The following APOC2 variants were observed in gnomAD, a reference collection of about 807,000 sequenced individuals.
APOC2 encodes apolipoprotein C2.
A neutral mutation model predicts 10.2 loss-of-function variants in APOC2; 6 were observed. That is an observed-to-expected ratio of 0.59 (90% CI 0.32 to 1.16). The LOEUF (loss-of-function observed/expected upper bound fraction) is 1.16, where lower values mean the gene tolerates loss of function less well. APOC2 is among the 50% of genes most tolerant of loss of function. The pLI, the probability that APOC2 is intolerant of heterozygous loss-of-function variation, is 0.05. For missense variants in APOC2, 110 were observed against 117.6 expected (o/e 0.94, Z 0.30); for synonymous variants, 56 against 48.5 (o/e 1.15, Z -0.64).
Position 44,946,051 on chromosome 19 carries a change from G to C in APOC2, c.-38G>C, listed in dbSNP as rs1970314890. On this transcript the variant is annotated 5_prime_UTR_variant, in exon 1 of 4. Coordinates refer to ENST00000252490, the MANE Select transcript of APOC2 (RefSeq NM_000483.5). ...ATCCTCTCTGTGCCCGTCCGGAGCTGGTGAGGACAGCCTGCCAGAGTCTGG... is the reference window on the plus strand; with the variant it reads ...ATCCTCTCTGTGCCCGTCCGGAGCTCGTGAGGACAGCCTGCCAGAGTCTGG... 3 of 152,372 alleles carry C rather than the reference G, an allele frequency of 2.0e-5. No individual in the cohort carries two copies. Among genetic ancestry groups the C allele is most frequent in the Non-Finnish European group, 4.4e-5 (3 of 68,216 alleles). The allele number at this position is 152,372 out of a possible 1,614,324, so 9.4% of individuals were successfully genotyped here.
At chr19:44,948,670 C>T (rs201090455) in intron 2 of APOC2, 31 bp from the exon 3 acceptor site, 143 of 1,613,542 alleles carry the variant, frequency 8.9e-5, no homozygotes, top group South Asian at 5.5e-5. Context: ...TGCAGCCCCA[C>T]GGGCTCTCCT....
At chr19:44,948,628 TCTC>T (rs1172894559) in intron 2 of APOC2, 70 bp from the exon 3 acceptor site, 3 of 1,605,428 alleles carry the variant, frequency 1.9e-6, no homozygotes, top group Non-Finnish European at 2.6e-6. Context: ...GCCTCTGCCC[TCTC>T]CTCTTCTTCC....
At chr19:44,947,785 T>C (rs942940381) in intron 1 of APOC2, among the ~76,000 whole-genome samples, 1 of 149,846 alleles carries the variant, frequency 6.7e-6, no homozygotes, top group African/African-American at 2.5e-5. Flanking sequence ...AATACAAAAA[T>C]CAGGTGGGGC....
At chr19:44,946,541 G>T (rs957976555) in intron 1 of APOC2, among the ~76,000 whole-genome samples, 7 of 152,004 alleles carry the variant, frequency 4.6e-5, no homozygotes, top group African/African-American at 1.7e-4. Flanking sequence ...AAGAAAAAGG[G>T]ATAGGTACAA....
Position 44,948,734 on chromosome 19 carries a change from A to T in APOC2, c.89A>T (p.Glu30Val). 1 of 1,614,152 alleles carries T rather than the reference A, an allele frequency of 6.2e-7. No homozygotes were observed. ...VQGTQQPQQD[E>V]MPSPTFLTQV... is the part of the protein sequence containing the mutation. ...GGGACCCAACAGCCCCAGCAAGATG[A>T]GATGCCTAGCCCGACCTTCCTCACC... Residue 30 changes from glutamate (E) to valine (V), a missense_variant, in exon 3 of 4, where the codon GAG becomes GTG. Coordinates refer to ENST00000252490, the MANE Select transcript of APOC2 (RefSeq NM_000483.5).
Position 44,949,384 on chromosome 19 carries a change from A to G in APOC2, c.*135A>G. On this transcript the variant is annotated 3_prime_UTR_variant, in exon 4 of 4. Transcript: ENST00000252490. ...CTAGCCTGAATTCTTTTCAATAAAA[A>G]ATACAATTCAAGTTGCTTCTCATGG... 1.3e-6 allele frequency: 1 copy of G among 742,724 alleles called. No individual in the cohort carries two copies. Among genetic ancestry groups the G allele is most frequent in the Non-Finnish European group, 2.4e-6 (1 of 424,426 alleles). The allele number at this position is 742,724 out of a possible 1,614,324, so 46.0% of individuals were successfully genotyped here.
chr19:44,948,761 A>G lies in APOC2; in HGVS notation c.116A>G (p.Gln39Arg). Residue 39 changes from glutamine to arginine, a missense_variant, in exon 3 of 4, where the codon CAG becomes CGG. Gln to Arg is a conservative substitution (Grantham distance 43). Coordinates refer to ENST00000252490, the MANE Select transcript of APOC2 (RefSeq NM_000483.5). Reference protein sequence around the residue: ...DEMPSPTFLTQVKESLSSYWE... With the variant: ...DEMPSPTFLTRVKESLSSYWE... ...ATGCCTAGCCCGACCTTCCTCACCC[A>G]GGTGAAGGAATCTCTCTCCAGTTAC... 6.2e-7 allele frequency: 1 copy of G among 1,614,178 alleles called. No homozygotes were observed. The highest frequency in any genetic ancestry group is 1.1e-5 in the South Asian group (1 of 91,084).
rs759445478 is a variant in APOC2 at position 44,949,253 on chromosome 19, C to T, written c.*4C>T. The T allele has an allele frequency of 1.1e-5, 17 of 1,612,340 alleles. No individual in the cohort carries two copies. The highest frequency in any genetic ancestry group is 1.3e-5 in the Non-Finnish European group (15 of 1,179,080). On this transcript the variant is annotated 3_prime_UTR_variant, in exon 4 of 4. Transcript: ENST00000252490. ...TGTGCTGAAGGGAGAGGAGTAACAG[C>T]CAGACCCCCCATCAGTGGACAAGGG...
rs969677284 is a variant in APOC2 at position 44,948,561 on chromosome 19, C to G, written c.55+28C>G. The G allele has an allele frequency of 1.1e-5, 17 of 1,612,186 alleles. No individual in the cohort carries two copies. In the East Asian group the frequency reaches 2.5e-4, roughly 23 times the overall value. On this transcript the variant is annotated intron_variant, in intron 2 of 3. Coordinates refer to ENST00000252490, the MANE Select transcript of APOC2 (RefSeq NM_000483.5). ...GAGTGTGGGCTTCCGGGGAGGGAAG[C>G]CTTGGGGAGGGGAATGAGCTCCAAG...
rs1331380599 is a variant in APOC2, at chr19:44,948,804, A to C, written c.159A>C (p.Thr53=). Residue 53 remains threonine (T), a synonymous_variant, in exon 3 of 4, where the codon ACA becomes ACC. Coordinates refer to ENST00000252490, the MANE Select transcript of APOC2 (RefSeq NM_000483.5). ...CCAGTTACTGGGAGTCAGCAAAGAC[A>C]GCCGCCCAGAACCTGTACGAGAAGA... ...SLSSYWESAK[T]AAQNLYEKTY... The C allele has an allele frequency of 1.9e-6, 3 of 1,614,124 alleles. No homozygotes were observed. In the South Asian group the frequency reaches 3.3e-5, roughly 18 times the overall value.
rs909824341 is a variant in APOC2, at chr19:44,948,500, G to C, written c.22G>C (p.Ala8Pro). 6.2e-7 allele frequency: 1 copy of C among 1,613,960 alleles called. No homozygotes were observed. Among genetic ancestry groups the C allele is most frequent in the Non-Finnish European group, 8.5e-7 (1 of 1,180,006 alleles). Reference protein sequence around the residue: MGTRLLPALFLVLLVLGF... With the variant: MGTRLLPPLFLVLLVLGF... ...CACTATGGGCACACGACTCCTCCCA[G>C]CTCTGTTTCTTGTCCTCCTGGTATT... Residue 8 changes from alanine to proline, a missense_variant, in exon 2 of 4, where the codon GCT (alanine) becomes CCT (proline). Coordinates refer to ENST00000252490, the MANE Select transcript of APOC2 (RefSeq NM_000483.5).
Position 44,949,154 on chromosome 19 carries a change from C to T in APOC2, c.216-5C>T, listed in dbSNP as rs372783963. 2.2e-5 allele frequency: 35 copies of T among 1,613,388 alleles called. No homozygotes were observed. In the African/African-American group the frequency reaches 3.3e-4, roughly 15 times the overall value. ...TCCCTCTAACCATCTGTGCTTTCTC[C>T]CCAGGGACTTGTACAGCAAAAGCAC... On this transcript the variant is annotated splice_polypyrimidine_tract_variant and splice_region_variant and intron_variant, in intron 3 of 3. Transcript: ENST00000252490.
chr19:44,948,732 T>C lies in APOC2; in HGVS notation c.87T>C (p.Asp29=). 6.2e-7 allele frequency: 1 copy of C among 1,611,640 alleles called. No individual in the cohort carries two copies. The highest frequency in any genetic ancestry group is 1.1e-5 in the South Asian group (1 of 91,040). ...EVQGTQQPQQ[D]EMPSPTFLTQ... is the part of the protein sequence containing the mutation. ...AGGGGACCCAACAGCCCCAGCAAGA[T>C]GAGATGCCTAGCCCGACCTTCCTCA... Residue 29 remains aspartate (D), a synonymous_variant, in exon 3 of 4, where the codon GAT becomes GAC. Coordinates refer to ENST00000252490, the MANE Select transcript of APOC2 (RefSeq NM_000483.5).
intron 1 of APOC2, 133 bp from the exon 2 acceptor site, chr19:44,948,333 T>C (rs1970344413): frequency 1.3e-6 from 1 of 763,386 alleles, no homozygotes; most frequent in Admixed American, 1.9e-5. Flanking sequence ...TCCAAGTCCA[T>C]GCATGGGAAA....
Position 44,949,189 on chromosome 19 carries a change from G to A in APOC2, c.246G>A (p.Met82Ile), listed in dbSNP as rs1324823081. 1.9e-6 allele frequency: 3 copies of A among 1,613,936 alleles called. No homozygotes were observed. Among genetic ancestry groups the A allele is most frequent in the African/African-American group, 2.7e-5 (2 of 74,890 alleles). The change falls in exon 4 of 4, where the codon ATG (methionine) becomes ATA (isoleucine). Residue 82 changes from methionine (M) to isoleucine (I), a missense_variant. By Grantham distance (10) the Met-to-Ile change is conservative. Transcript: ENST00000252490. The stretch of plus-strand genomic sequence containing the variant: ...TGTACAGCAAAAGCACAGCAGCCAT[G>A]AGCACTTACACAGGCATTTTTACTG... ...RDLYSKSTAAMSTYTGIFTDQ... is the reference protein window; with the variant it reads ...RDLYSKSTAAISTYTGIFTDQ...
chr19:44,948,572 G>T (rs1380277412), intron 2 of APOC2, 39 bp downstream of exon 2: 1 of 1,608,726 alleles, frequency 6.2e-7, no homozygotes, highest in South Asian at 1.1e-5. Context: ...CTTGGGGAGG[G>T]GAATGAGCTC....
intron 1 of APOC2, among the ~76,000 whole-genome samples, chr19:44,947,868 GA>G (rs1319164521): frequency 6.6e-6 from 1 of 152,138 alleles, no homozygotes; most frequent in Non-Finnish European, 1.5e-5. Flanking sequence ...AGAAGTTCGA[GA>G]CCAGCCTGGC....
At chr19:44,948,958 G>C in intron 3 of APOC2, 98 bp downstream of exon 3, 3 of 1,536,152 alleles carry the variant, frequency 2.0e-6, no homozygotes, top group Non-Finnish European at 2.7e-6. Flanking sequence ...CTCAGACCCA[G>C]GAGTCCAGGC....
intron 1 of APOC2, among the ~76,000 whole-genome samples, 159 bp downstream of exon 1, chr19:44,946,234 T>TGTGTGTGAGAGA (rs1236986911): frequency 1.8e-4 from 24 of 132,910 alleles, no homozygotes; most frequent in African/African-American, 6.8e-4. Flanking sequence ...TGTGTGTGTG[T>TGTGTGTGAGAGA]GAGAGAGAGA....
Sources: allele counts gnomAD v4.1 joint callset (sites outside exome capture counted in the v4.1 genomes callset), GRCh38; gene constraint gnomAD v4.1.1; transcripts MANE v1.5; gene names NCBI Gene and HGNC (gene_info 2026-07-23, HGNC 2026-07-21).